The following RBM20 variants were observed in gnomAD, a reference collection of about 807,000 sequenced individuals.
RBM20 encodes the protein RNA-binding protein 20.
Under a neutral mutation model 110.1 loss-of-function variants are expected in RBM20, and 51 were observed. That is an observed-to-expected ratio of 0.46 (90% CI 0.37 to 0.59). The LOEUF (loss-of-function observed/expected upper bound fraction) is 0.59. RBM20 is among the 20% of genes least tolerant of loss of function. The pLI is 0.00. For synonymous variants in RBM20, 589 were observed against 618.2 expected (o/e 0.95, Z 0.70); for missense variants, 1,512 against 1,574.9 (o/e 0.96, Z 0.68).
intron 1 of RBM20, among the ~76,000 whole-genome samples, chr10:110,662,541 A>C (rs1258783403): frequency 6.6e-6 from 1 of 152,280 alleles, no homozygotes; most frequent in East Asian, 1.9e-4. Context: ...ACTTGTCAGC[A>C]TGTAAAACAT....
In RBM20 at chr10:110,752,080, C is replaced by T. The variant is rs1027342578; in HGVS notation, c.192-28721C>T. 1.4e-4 allele frequency among the ~76,000 whole-genome samples: 21 copies of T among 152,260 alleles called. 1 individual carries two copies. In the South Asian group the frequency reaches 1.9e-3, roughly 14 times the overall value. ...AAAGTCTGTCCTTTACACTGGGGTT[C>T]ACTCTTAGTGGTGTACGTTCTGTGG... On this transcript the variant is annotated intron_variant, in intron 1 of 13. Transcript: ENST00000369519.
At chr10:110,656,532 C>T (rs1238773747) in intron 1 of RBM20, among the ~76,000 whole-genome samples, 4 of 151,938 alleles carry the variant, frequency 2.6e-5, no homozygotes, top group African/African-American at 7.3e-5. Flanking sequence ...ACATCAAGTA[C>T]GTTCACAGTG....
intron 1 of RBM20, among the ~76,000 whole-genome samples, chr10:110,702,362 CCAAA>C (rs201786834): frequency 0.024 from 3,622 of 152,022 alleles, 134 homozygotes; most frequent in African/African-American, 0.078. Context: ...CCCATCTCTA[CCAAA>C]CAAACAAACA....
intron 1 of RBM20, among the ~76,000 whole-genome samples, chr10:110,770,733 T>A (rs1844176843): frequency 6.6e-6 from 1 of 152,204 alleles, no homozygotes; most frequent in Non-Finnish European, 1.5e-5. Flanking sequence ...TCTTTGTACA[T>A]TTAATAGAAA....
Position 110,781,401 on chromosome 10 carries a change from AGG to A in RBM20, c.794_795del (p.Gly265AlafsTer34). ...CAACCTCGGGCAGTGTGACCTATGA[AGG>A]GCACTACAGCCACACAGGGCAGGAT... ...ASTSGSVTYE[G>X]HYSHTGQDGQ... On this transcript the variant is annotated frameshift_variant, in exon 2 of 14. Coordinates refer to ENST00000369519, the MANE Select transcript of RBM20 (RefSeq NM_001134363.3). LOFTEE classifies it high-confidence loss of function. 1.3e-6 allele frequency: 2 copies of A among 1,551,660 alleles called. No homozygotes were observed. The highest frequency in any genetic ancestry group is 1.7e-6 in the Non-Finnish European group (2 of 1,146,990).
chr10:110,704,105 C>G (rs1862799101), intron 1 of RBM20, among the ~76,000 whole-genome samples: 1 of 152,208 alleles, frequency 6.6e-6, no homozygotes, highest in Non-Finnish European at 1.5e-5. Flanking sequence ...AAGCAAGACT[C>G]TGTCTCAAAA....
At chr10:110,645,432 C>T (rs1293519769) in intron 1 of RBM20, among the ~76,000 whole-genome samples, 1 of 152,190 alleles carries the variant, frequency 6.6e-6, no homozygotes, top group South Asian at 2.1e-4. Flanking sequence ...CTCTGCTCTC[C>T]TAAGGGTTTA....
chr10:110,800,812 C>T (rs1486868622), intron 7 of RBM20, among the ~76,000 whole-genome samples: 1 of 152,144 alleles, frequency 6.6e-6, no homozygotes, highest in East Asian at 1.9e-4. Context: ...ACAGATCTTG[C>T]TTCTTTCATT....
chr10:110,744,215 G>A (rs1014631365), intron 1 of RBM20, among the ~76,000 whole-genome samples: 4 of 152,184 alleles, frequency 2.6e-5, no homozygotes, highest in African/African-American at 9.7e-5. Flanking sequence ...AATAGCGCCT[G>A]TCAATCACTG....
At chr10:110,688,031 GTGTGTA>G (rs1278396035) in intron 1 of RBM20, among the ~76,000 whole-genome samples, 2 of 132,130 alleles carry the variant, frequency 1.5e-5, no homozygotes, top group Non-Finnish European at 3.4e-5. Flanking sequence ...GTGTGTGTGT[GTGTGTA>G]TGTGTGTGTA....
intron 8 of RBM20, among the ~76,000 whole-genome samples, chr10:110,811,242 C>T (rs1275136380): frequency 6.6e-6 from 1 of 152,212 alleles, no homozygotes; most frequent in Non-Finnish European, 1.5e-5. Context: ...CTGGTCCTAG[C>T]AAGATGCACC....
chr10:110,701,655 A>T (rs1399532777), intron 1 of RBM20, among the ~76,000 whole-genome samples: 1 of 152,212 alleles, frequency 6.6e-6, no homozygotes, highest in Non-Finnish European at 1.5e-5. Context: ...ATCCAGTGGG[A>T]AAGGGAGTCA....
chr10:110,682,714 G>C (rs1303892887), intron 1 of RBM20, among the ~76,000 whole-genome samples: 1 of 152,186 alleles, frequency 6.6e-6, no homozygotes, highest in East Asian at 1.9e-4. Context: ...GCTTAAGGTG[G>C]TGTTAACTGT....
intron 2 of RBM20, among the ~76,000 whole-genome samples, chr10:110,783,061 T>A (rs1844374420): frequency 7.2e-6 from 1 of 139,662 alleles, no homozygotes; most frequent in Non-Finnish European, 1.6e-5. Flanking sequence ...AGGTGGGAGG[T>A]AGGTGGTGGG....
At chr10:110,734,734 G>C (rs1843653107) in intron 1 of RBM20, among the ~76,000 whole-genome samples, 2 of 150,680 alleles carry the variant, frequency 1.3e-5, no homozygotes, top group South Asian at 4.2e-4. Context: ...TAGGGCTCCT[G>C]ACTCAGTTTC....
intron 1 of RBM20, among the ~76,000 whole-genome samples, chr10:110,687,179 G>A (rs1862517910): frequency 6.6e-6 from 1 of 152,174 alleles, no homozygotes; most frequent in Non-Finnish European, 1.5e-5. Context: ...GTGAAAAGCT[G>A]AGTCATATGG....
chr10:110,721,179 A>T (rs1033442029), intron 1 of RBM20, among the ~76,000 whole-genome samples: 1 of 152,148 alleles, frequency 6.6e-6, no homozygotes, highest in Non-Finnish European at 1.5e-5. Flanking sequence ...AGCACTAAGC[A>T]TTGCCTGACA....
chr10:110,757,988 T>C (rs1481346326), intron 1 of RBM20, among the ~76,000 whole-genome samples: 1 of 141,118 alleles, frequency 7.1e-6, no homozygotes, highest in Non-Finnish European at 1.5e-5. Flanking sequence ...CATACAGCAA[T>C]AGAAAAGACA....
intron 1 of RBM20, among the ~76,000 whole-genome samples, chr10:110,745,999 A>T (rs1022603143): frequency 6.6e-6 from 1 of 152,128 alleles, no homozygotes; most frequent in Non-Finnish European, 1.5e-5. Context: ...AGAACCCTTT[A>T]TTATTTCTCA....
Sources: gnomAD v4.1 joint callset for allele counts (sites outside exome capture counted in the v4.1 genomes callset) on GRCh38, gnomAD v4.1.1 for gene constraint, MANE v1.5 for transcripts, NCBI Gene and HGNC (gene_info 2026-07-23, HGNC 2026-07-21) for gene names.